ZCCHC14: variants seen among roughly 807,000 people sequenced by gnomAD.
ZCCHC14 encodes zinc finger CCHC-type containing 14.
A neutral mutation model predicts 85.0 loss-of-function variants in ZCCHC14; 16 were observed. That is an observed-to-expected ratio of 0.19 (90% CI 0.13 to 0.29). The LOEUF is 0.29. Among genes scored for constraint, ZCCHC14 ranks in the 10% least tolerant of loss-of-function variants. The probability of loss-of-function intolerance (pLI) is 1.00; values close to 1 mark genes in which losing one functional copy is unlikely to be tolerated. For synonymous variants in ZCCHC14, 775 were observed against 630.7 expected (o/e 1.23, Z -3.43); for missense variants, 1,303 against 1,443.5 (o/e 0.90, Z 1.58).
In ZCCHC14 at chr16:87,458,089, G is replaced by A. The variant is rs558970146; in HGVS notation, c.694+1919C>T. Among the ~76,000 whole-genome samples, 44 of 113,704 alleles carry A rather than the reference G, an allele frequency of 3.9e-4. 2 individuals carry two copies. In the South Asian group the frequency reaches 0.014, roughly 35 times the overall value. The allele number at this position is 113,704 out of a possible 152,430, so 74.6% of individuals were successfully genotyped here. On this transcript the variant is annotated intron_variant, in intron 2 of 12. Transcript: ENST00000671377. The stretch of plus-strand genomic sequence containing the variant: ...GACAATGACAGATACTCGCTACTTT[G>A]AAATTATACAGAAAAAAAAAAAAAA...
At chr16:87,474,794 G>T (rs1047536683) in intron 1 of ZCCHC14, among the ~76,000 whole-genome samples, 1 of 152,192 alleles carries the variant, frequency 6.6e-6, no homozygotes, top group Non-Finnish European at 1.5e-5. Flanking sequence ...CCCTGGGAGG[G>T]GACAGCACGC....
At chr16:87,490,587 G>A (rs1047414964) in intron 1 of ZCCHC14, among the ~76,000 whole-genome samples, 1 of 152,194 alleles carries the variant, frequency 6.6e-6, no homozygotes, top group Non-Finnish European at 1.5e-5. Context: ...ACGCCCTTCC[G>A]GTTCAATTTG....
intron 1 of ZCCHC14, among the ~76,000 whole-genome samples, chr16:87,483,256 G>C (rs1279285055): frequency 7.2e-6 from 1 of 138,832 alleles, no homozygotes; most frequent in African/African-American, 2.8e-5. Context: ...TCAGGAGCTT[G>C]AGACCAGCCT....
In ZCCHC14 at chr16:87,464,132, C is replaced by T. The variant is rs754740377; in HGVS notation, c.571-4001G>A. On this transcript the variant is annotated intron_variant, in intron 1 of 12. Transcript: ENST00000671377. ...CACCCTAAAACACTCCAAAGAGACA[C>T]AAAGGAAAGCCAGCCTCCCAACTCT... Among the ~76,000 whole-genome samples the T allele has an allele frequency of 3.9e-5, 6 of 152,206 alleles. No individual in the cohort carries two copies. The South Asian group carries it at 6.2e-4, about 16-fold the overall frequency.
intron 10 of ZCCHC14, among the ~76,000 whole-genome samples, chr16:87,413,583 T>C (rs111568454): frequency 4.6e-5 from 7 of 151,798 alleles, no homozygotes; most frequent in South Asian, 2.1e-4. Context: ...TTTTTTTTTT[T>C]CCCTCCTGAG....
Position 87,420,515 on chromosome 16 carries a change from C to G in ZCCHC14, c.950+92G>C, listed in dbSNP as rs1271132957. The G allele has an allele frequency of 1.9e-6, 2 of 1,061,174 alleles. No individual in the cohort carries two copies. The highest frequency in any genetic ancestry group is 2.6e-5 in the East Asian group (1 of 37,968). The allele number at this position is 1,061,174 out of a possible 1,614,324, so 65.7% of individuals were successfully genotyped here. On this transcript the variant is annotated intron_variant, in intron 5 of 12. Transcript: ENST00000671377. The surrounding 1 kb of genome is among the most constrained non-coding windows in gnomAD (Gnocchi z 5.0). ...CCAGGTCCAGGTGACCGCGCATCCT[C>G]CCAGAGCTCCTTGGAGGACCACAGC...
rs559088004 is a variant in ZCCHC14, at chr16:87,411,768, G to T, written c.2953C>A (p.Pro985Thr). ...CTGCTGTAAGGGGCGTGCACGACGGGGAAGGTGGAGCCGCCGCCGTACTGC... is the reference window on the plus strand; with the variant it reads ...CTGCTGTAAGGGGCGTGCACGACGGTGAAGGTGGAGCCGCCGCCGTACTGC... Reference protein sequence around the residue: ...AQQYGGGSTFPVVHAPYSSSG... With the variant: ...AQQYGGGSTFTVVHAPYSSSG... The change falls in exon 12 of 13, where the codon CCC becomes ACC. Residue 985 changes from proline to threonine, a missense_variant. Coordinates refer to ENST00000671377, the MANE Select transcript of ZCCHC14 (RefSeq NM_015144.3). 1.9e-6 allele frequency: 3 copies of T among 1,611,914 alleles called. No homozygotes were observed. The highest frequency in any genetic ancestry group is 4.5e-5 in the East Asian group (2 of 44,876).
intron 4 of ZCCHC14, among the ~76,000 whole-genome samples, chr16:87,422,428 A>T (rs560015228): frequency 6.6e-6 from 1 of 152,196 alleles, no homozygotes; most frequent in African/African-American, 2.4e-5. Flanking sequence ...AATGGATAAG[A>T]ATTTTCCAAA....
In ZCCHC14 at chr16:87,465,577, C is replaced by G. The variant is rs533386814; in HGVS notation, c.571-5446G>C. Reference sequence around the variant, plus strand: ...GGGCACCTGGACTTGGGCAGCCCGCCTCTGGCTCTTATGCAATCACCCTTC... The same window carrying G: ...GGGCACCTGGACTTGGGCAGCCCGCGTCTGGCTCTTATGCAATCACCCTTC... On this transcript the variant is annotated intron_variant, in intron 1 of 12. Transcript: ENST00000671377. 2.6e-5 allele frequency among the ~76,000 whole-genome samples: 4 copies of G among 152,314 alleles called. No individual in the cohort carries two copies. In the East Asian group the frequency reaches 7.7e-4, roughly 29 times the overall value.
intron 1 of ZCCHC14, among the ~76,000 whole-genome samples, chr16:87,483,659 T>C (rs1212334046): frequency 6.6e-6 from 1 of 152,188 alleles, no homozygotes; most frequent in Non-Finnish European, 1.5e-5. Flanking sequence ...TCCACCTAAC[T>C]GTATGGCCGC....
chr16:87,417,796 G>C, intron 7 of ZCCHC14, 54 bp from the exon 8 acceptor site: 3 of 1,505,888 alleles, frequency 2.0e-6, no homozygotes, highest in Admixed American at 2.1e-5. Flanking sequence ...CACAACCACA[G>C]ACTCCACCAC....
At chr16:87,467,796 C>G (rs1911596265) in intron 1 of ZCCHC14, 1 of 473,796 alleles carries the variant, frequency 2.1e-6, no homozygotes. Flanking sequence ...GGACTACAGG[C>G]GCGCACCACC....
At chr16:87,454,892 C>T (rs1450218288) in intron 2 of ZCCHC14, among the ~76,000 whole-genome samples, 2 of 152,198 alleles carry the variant, frequency 1.3e-5, no homozygotes, top group East Asian at 1.9e-4. Context: ...GAGGACGGGG[C>T]GGCCCCTGAT....
At chr16:87,434,737 A>G (rs1033033637) in intron 2 of ZCCHC14, among the ~76,000 whole-genome samples, 1 of 152,218 alleles carries the variant, frequency 6.6e-6, no homozygotes, top group Non-Finnish European at 1.5e-5. Flanking sequence ...CACGCCTGGT[A>G]TCCCAGCACT....
At chr16:87,415,028 G>A (rs1020611741) in intron 9 of ZCCHC14, among the ~76,000 whole-genome samples, 2 of 152,250 alleles carry the variant, frequency 1.3e-5, no homozygotes, top group African/African-American at 4.8e-5. Flanking sequence ...GTTGCAGTGA[G>A]CCGAGATTGC....
Position 87,418,871 on chromosome 16 carries a change from C to A in ZCCHC14, c.1076G>T (p.Gly359Val), listed in dbSNP as rs1908937541. 1 of 1,613,158 alleles carries A rather than the reference C, an allele frequency of 6.2e-7. No homozygotes were observed. Among genetic ancestry groups the A allele is most frequent in the African/African-American group, 1.3e-5 (1 of 74,856 alleles). ...CCTTCCAGACACGCCCATCACGGTACCTACTTTAGAAAGGGAGGGATTGCC... is the reference window on the plus strand; with the variant it reads ...CCTTCCAGACACGCCCATCACGGTAACTACTTTAGAAAGGGAGGGATTGCC... ...SPGNPSLSKV[G>V]TVMGVSGRPV... The change falls in exon 7 of 13, where the codon GGT (glycine) becomes GTT (valine). Residue 359 changes from glycine (G) to valine (V), a missense_variant. Physicochemically the swap from Gly to Val is moderately radical, Grantham distance 109. Around this residue, in one of 7 missense-constraint regions of ZCCHC14, gnomAD observed 389 missense variants for 397.8 expected, o/e 0.98. Coordinates refer to ENST00000671377, the MANE Select transcript of ZCCHC14 (RefSeq NM_015144.3).
At position 87,406,382 on chromosome 16, in the gene ZCCHC14, TTCAAAA is replaced by T. The variant is rs1344082365; in HGVS notation, c.*3892_*3897del. 3 of 152,764 alleles carry T rather than the reference TTCAAAA, an allele frequency of 2.0e-5. No individual in the cohort carries two copies. Among genetic ancestry groups the T allele is most frequent in the African/African-American group, 7.2e-5 (3 of 41,592 alleles). The allele number at this position is 152,764 out of a possible 1,614,324, so 9.5% of individuals were successfully genotyped here. A position where few individuals can be genotyped will look rare whatever the true frequency, so the allele number is the denominator to read the frequency against. On this transcript the variant is annotated 3_prime_UTR_variant, in exon 13 of 13. Transcript: ENST00000671377. ...AAAACAGAATACTTGACATTTACAA[TTCAAAA>T]TCAAATTAGCGGAATATTAAATATT...
At position 87,491,952 on chromosome 16, in the gene ZCCHC14, G is replaced by A; in HGVS notation, c.287C>T (p.Ser96Leu). The change falls in exon 1 of 13, where the codon TCG becomes TTG. Residue 96 changes from serine (S) to leucine (L), a missense_variant. Coordinates refer to ENST00000671377, the MANE Select transcript of ZCCHC14 (RefSeq NM_015144.3). The surrounding 1 kb of genome is among the most constrained non-coding windows in gnomAD (Gnocchi z 5.9). ...KLLVSLALLG[S>L]EQREAAGVLY... ...CACGCCCGCCGCCTCGCGCTGCTCC[G>A]AGCCCAGCAGCGCCAGCGACACCAG... is the stretch of plus-strand genomic sequence containing the variant. 1 of 1,439,610 alleles carries A rather than the reference G, an allele frequency of 6.9e-7. No homozygotes were observed. Among genetic ancestry groups the A allele is most frequent in the South Asian group, 1.4e-5 (1 of 69,708 alleles). The allele number at this position is 1,439,610 out of a possible 1,614,324, so 89.2% of individuals were successfully genotyped here.
chr16:87,449,308 T>C (rs955849404), intron 2 of ZCCHC14, among the ~76,000 whole-genome samples: 1 of 152,160 alleles, frequency 6.6e-6, no homozygotes, highest in African/African-American at 2.4e-5. Context: ...TGGGCACACT[T>C]TAATGTTCCT....
Sources: allele counts gnomAD v4.1 joint callset (sites outside exome capture counted in the v4.1 genomes callset), GRCh38; gene constraint gnomAD v4.1.1; regional missense constraint gnomAD v4.1.1; non-coding constraint Gnocchi (gnomAD v3.1); transcripts MANE v1.5; gene names NCBI Gene and HGNC (gene_info 2026-07-23, HGNC 2026-07-21).